The following RRP12 variants were observed in gnomAD, a reference collection of about 807,000 sequenced individuals.
RRP12 encodes RRP12-like protein.
In RRP12, 78 loss-of-function variants were observed where a neutral mutation model predicts 157.3. The observed-to-expected ratio is 0.50, with a 90% CI of 0.41 to 0.60. The LOEUF (loss-of-function observed/expected upper bound fraction) is 0.60, where lower values mean the gene tolerates loss of function less well. RRP12 is among the 20% of genes least tolerant of loss of function. RRP12 has a pLI of 0.00. For missense variants in RRP12, 1,521 were observed against 1,679.9 expected, an observed-to-expected ratio of 0.91 and a Z score of 1.65; for synonymous variants, 726 against 670.9, an observed-to-expected ratio of 1.08 and a Z score of -1.27.
chr10:97,398,032 TA>T (rs1564772549), intron 2 of RRP12, among the ~76,000 whole-genome samples: 1 of 93,514 alleles, frequency 1.1e-5, no homozygotes, highest in African/African-American at 5.1e-5. Flanking sequence ...TGTATATATA[TA>T]TACGTATTTT....
At chr10:97,359,340 C>T (rs1237337526) in intron 31 of RRP12, among the ~76,000 whole-genome samples, 2 of 152,238 alleles carry the variant, frequency 1.3e-5, no homozygotes, top group African/African-American at 4.8e-5. Flanking sequence ...AGCCAGCCAG[C>T]CAGGTTCAAC....
Position 97,385,998 on chromosome 10 carries a change from A to T in RRP12, c.1018-5T>A, listed in dbSNP as rs755985055. On this transcript the variant is annotated splice_polypyrimidine_tract_variant and splice_region_variant and intron_variant, in intron 8 of 33. Coordinates refer to ENST00000370992, the MANE Select transcript of RRP12 (RefSeq NM_015179.4). The stretch of plus-strand genomic sequence containing the variant: ...CATGGCACAGGCTGTCACCAGCTGG[A>T]GGGGGACACACAGGCTTAGAAAGGA... 12 of 1,575,704 alleles carry T rather than the reference A, an allele frequency of 7.6e-6. No homozygotes were observed. Among genetic ancestry groups the T allele is most frequent in the East Asian group, 2.3e-5 (1 of 43,542 alleles).
chr10:97,369,912 G>C (rs934318075), intron 24 of RRP12, among the ~76,000 whole-genome samples: 1 of 152,234 alleles, frequency 6.6e-6, no homozygotes, highest in South Asian at 2.1e-4. Context: ...TAACCACTCT[G>C]ACAATGGGAT....
chr10:97,392,439 T>C (rs1844833868), intron 4 of RRP12, among the ~76,000 whole-genome samples: 1 of 152,030 alleles, frequency 6.6e-6, no homozygotes, highest in African/African-American at 2.4e-5. Flanking sequence ...AACCTCCACA[T>C]TCTGTGTTCA....
intron 25 of RRP12, among the ~76,000 whole-genome samples, chr10:97,368,389 GCT>G (rs1844048770): frequency 6.6e-6 from 1 of 151,698 alleles, no homozygotes; most frequent in Non-Finnish European, 1.5e-5. Context: ...ACAGAGTCTT[GCT>G]CTGTTACCCA....
At chr10:97,371,999 G>A (rs1844168668) in intron 20 of RRP12, 74 bp downstream of exon 20, 7 of 1,021,616 alleles carry the variant, frequency 6.9e-6, no homozygotes, top group Non-Finnish European at 1.0e-5. Context: ...AAGACATGAA[G>A]ACAGGCCCCA....
In RRP12 at chr10:97,366,243, A is replaced by G. The variant is rs1843975697; in HGVS notation, c.3392-10T>C. The G allele has an allele frequency of 6.2e-7, 1 of 1,610,672 alleles. No homozygotes were observed. The highest frequency in any genetic ancestry group is 8.5e-7 in the Non-Finnish European group (1 of 1,179,598). ...GGCCCTGGCTGCGTGGCTGGGGTGT[A>G]GAGTTTGGCATGAGGAGGTGGAAGG... is the stretch of plus-strand genomic sequence containing the variant. On this transcript the variant is annotated splice_polypyrimidine_tract_variant and intron_variant, in intron 28 of 33. Coordinates refer to ENST00000370992, the MANE Select transcript of RRP12 (RefSeq NM_015179.4).
Position 97,395,225 on chromosome 10 carries a change from T to TACACAC in RRP12, c.453+992_453+993insGTGTGT, listed in dbSNP as rs1564770680. Among the ~76,000 whole-genome samples, 140 of 145,254 alleles carry TACACAC rather than the reference T, an allele frequency of 9.6e-4. 1 individual carries two copies. The highest frequency in any genetic ancestry group is 3.4e-3 in the African/African-American group (136 of 39,436). Reference sequence around the variant, plus strand: ...ACACATATACACACACACACACACATACATACATACACAAATATATTTATT... The same window carrying TACACAC: ...ACACATATACACACACACACACACATACACACACATACATACACAAATATATTTATT... On this transcript the variant is annotated intron_variant, in intron 3 of 33. Transcript: ENST00000370992.
At chr10:97,377,378 A>C (rs762030338) in intron 15 of RRP12, among the ~76,000 whole-genome samples, 2 of 150,882 alleles carry the variant, frequency 1.3e-5, no homozygotes, top group Non-Finnish European at 3.0e-5. Flanking sequence ...ATTTTTAAAA[A>C]GTGAGCCAGG....
intron 14 of RRP12, 71 bp downstream of exon 14, chr10:97,379,557 C>T: frequency 6.3e-7 from 1 of 1,597,510 alleles, no homozygotes; most frequent in Non-Finnish European, 8.5e-7. Flanking sequence ...TAGCCCACAG[C>T]AGCAGACATC....
rs769492409 is a variant in RRP12, at chr10:97,367,007, T to C, written c.3047+34A>G. On this transcript the variant is annotated intron_variant, in intron 26 of 33. Transcript: ENST00000370992. Reference sequence around the variant, plus strand: ...GGACTGGAAATCCTCGGCCCCTCGCTTGCCCTACCCCCGCCCCTGCTCAGT... The same window carrying C: ...GGACTGGAAATCCTCGGCCCCTCGCCTGCCCTACCCCCGCCCCTGCTCAGT... 2.5e-6 allele frequency: 4 copies of C among 1,611,990 alleles called. No individual in the cohort carries two copies. In the African/African-American group the frequency reaches 4.0e-5, roughly 16 times the overall value.
intron 10 of RRP12, 114 bp from the exon 11 acceptor site, chr10:97,381,940 G>C: frequency 1.4e-6 from 1 of 701,438 alleles, no homozygotes; most frequent in Non-Finnish European, 2.4e-6. Context: ...CCAGTGATCT[G>C]CAGGGCTCCG....
chr10:97,372,594 C>A (rs1844187488), intron 19 of RRP12, 142 bp downstream of exon 19: 5 of 723,316 alleles, frequency 6.9e-6, no homozygotes, highest in East Asian at 2.7e-5. Flanking sequence ...CTAGTCAGCA[C>A]AGCCTCTCAG....
At chr10:97,381,073 C>G (rs551896268) in intron 12 of RRP12, among the ~76,000 whole-genome samples, 160 bp from the exon 13 acceptor site, 11 of 152,304 alleles carry the variant, frequency 7.2e-5, no homozygotes, top group African/African-American at 2.4e-4. Context: ...TGTGACATGC[C>G]CACACTCCCT....
intron 20 of RRP12, chr10:97,371,721 A>C (rs1036074697): frequency 4.5e-6 from 1 of 221,064 alleles, no homozygotes; most frequent in Non-Finnish European, 9.2e-6. Flanking sequence ...AGGGAGGCTT[A>C]AGGCAGCTGA....
At chr10:97,369,350 C>T (rs1388123623) in intron 25 of RRP12, 75 bp downstream of exon 25, 2 of 1,480,802 alleles carry the variant, frequency 1.4e-6, no homozygotes, top group Non-Finnish European at 1.8e-6. Context: ...ACTTGCTGGC[C>T]TCGAAGCTTG....
At chr10:97,361,620 C>T (rs756049943) in intron 30 of RRP12, among the ~76,000 whole-genome samples, 1 of 152,176 alleles carries the variant, frequency 6.6e-6, no homozygotes, top group Non-Finnish European at 1.5e-5. Flanking sequence ...GTCCACTGGC[C>T]GAAGCCCAGC....
intron 11 of RRP12, 96 bp downstream of exon 11, chr10:97,381,619 G>T: frequency 7.9e-7 from 1 of 1,267,672 alleles, no homozygotes; most frequent in Non-Finnish European, 1.1e-6. Flanking sequence ...CGGCCTCTCT[G>T]GGCCCGAGCT....
intron 2 of RRP12, among the ~76,000 whole-genome samples, chr10:97,398,040 T>TATATATATATG (rs1491347075): frequency 6.0e-5 from 2 of 33,598 alleles, no homozygotes; most frequent in Non-Finnish European, 5.8e-5. Context: ...TATATACGTA[T>TATATATATATG]TTTTTTTTTT....
Sources: allele counts gnomAD v4.1 joint callset (sites outside exome capture counted in the v4.1 genomes callset), GRCh38; gene constraint gnomAD v4.1.1; transcripts MANE v1.5; gene names NCBI Gene and HGNC (gene_info 2026-07-23, HGNC 2026-07-21).